The following CCDC18 variants were observed in gnomAD, a reference collection of about 807,000 sequenced individuals.
The protein encoded by CCDC18 is coiled-coil domain-containing protein 18.
A neutral mutation model predicts 196.0 loss-of-function variants in CCDC18; 157 were observed. The observed-to-expected ratio is 0.80, with a 90% CI of 0.70 to 0.91. The LOEUF is 0.91. Ranked by LOEUF, CCDC18 falls within the 40% of genes least tolerant of loss-of-function variation. The pLI is 0.00. For synonymous variants in CCDC18, 482 were observed against 529.2 expected, an observed-to-expected ratio of 0.91 and a Z score of 1.22; for missense variants, 1,465 against 1,611.6, an observed-to-expected ratio of 0.91 and a Z score of 1.56.
rs1200197704 is a variant in CCDC18 at position 93,181,272 on chromosome 1, CTACA to C, written c.-3+423_-3+426del. Among the ~76,000 whole-genome samples, 3 of 129,610 alleles carry C rather than the reference CTACA, an allele frequency of 2.3e-5. No homozygotes were observed. The East Asian group carries it at 7.8e-4, about 34-fold the overall frequency. 85.0% of individuals were successfully genotyped at this position (129,610 alleles called of 152,430 possible). ...CAAGCGATCTTGAGACAGGAGACTA[CTACA>C]TAAAGTTATGACTTCTTTCCAAAAT... On this transcript the variant is annotated intron_variant, in intron 1 of 28. Coordinates refer to ENST00000690025, the MANE Select transcript of CCDC18 (RefSeq NM_001378204.1).
rs1444742791 is a variant in CCDC18, at chr1:93,249,926, TTTTA to T, written c.3198+2976_3198+2979del. Among the ~76,000 whole-genome samples, 3 of 152,184 alleles carry T rather than the reference TTTTA, an allele frequency of 2.0e-5. No homozygotes were observed. In the South Asian group the frequency reaches 6.2e-4, roughly 32 times the overall value. On this transcript the variant is annotated intron_variant, in intron 23 of 28. Transcript: ENST00000690025. Reference sequence around the variant, plus strand: ...AGGTTTTGTTATGTTGTATATCCATTTTTATTTGTTTCAAGACATTAAAATTTTT... The same window carrying T: ...AGGTTTTGTTATGTTGTATATCCATTTTTGTTTCAAGACATTAAAATTTTT...
chr1:93,257,312 T>C (rs1460048027), intron 25 of CCDC18, among the ~76,000 whole-genome samples: 1 of 149,912 alleles, frequency 6.7e-6, no homozygotes, highest in Admixed American at 6.6e-5. Flanking sequence ...TTAGGAAACC[T>C]GTAGTTCAAA....
At chr1:93,201,708 TGA>T (rs1025678909) in intron 6 of CCDC18, among the ~76,000 whole-genome samples, 182 bp from the exon 7 acceptor site, 21 of 152,194 alleles carry the variant, frequency 1.4e-4, no homozygotes, top group African/African-American at 4.3e-4. Context: ...ATTGATAGAG[TGA>T]GAAAATTTTT....
intron 9 of CCDC18, 27 bp downstream of exon 9, chr1:93,207,425 AAAG>A (rs1448482559): frequency 6.7e-7 from 1 of 1,496,350 alleles, no homozygotes; most frequent in Non-Finnish European, 9.0e-7. Context: ...ACGTAATGGA[AAAG>A]AAGAATTTTA....
At chr1:93,278,407 G>A in intron 28 of CCDC18, 56 bp from the exon 29 acceptor site, 1 of 729,418 alleles carries the variant, frequency 1.4e-6, no homozygotes, top group Non-Finnish European at 2.1e-6. Flanking sequence ...GACTTTTAAT[G>A]CTAAATCAGT....
At chr1:93,192,946 A>C (rs1652077755) in intron 5 of CCDC18, among the ~76,000 whole-genome samples, 1 of 152,212 alleles carries the variant, frequency 6.6e-6, no homozygotes, top group African/African-American at 2.4e-5. Context: ...CAAGTTCTGC[A>C]AATGATGCTG....
chr1:93,243,177 A>C (rs958822800), intron 21 of CCDC18, among the ~76,000 whole-genome samples: 2 of 152,242 alleles, frequency 1.3e-5, no homozygotes, highest in Non-Finnish European at 2.9e-5. Context: ...CCTCAGCAGC[A>C]AACTTCTGCC....
intron 27 of CCDC18, among the ~76,000 whole-genome samples, chr1:93,268,004 A>T (rs1028010532): frequency 6.6e-6 from 1 of 152,206 alleles, no homozygotes; most frequent in Admixed American, 6.5e-5. Context: ...AAAAGAAAAA[A>T]GCTGGAGGCA....
intron 10 of CCDC18, among the ~76,000 whole-genome samples, chr1:93,211,296 CTTAA>C (rs1655611456): frequency 6.7e-6 from 1 of 149,382 alleles, no homozygotes; most frequent in Non-Finnish European, 1.5e-5. Context: ...AAAAAAGACC[CTTAA>C]TTGAGGAATT....
chr1:93,201,833 T>G (rs1236908689), intron 6 of CCDC18, 59 bp from the exon 7 acceptor site: 48 of 1,087,412 alleles, frequency 4.4e-5, no homozygotes, highest in Non-Finnish European at 6.1e-5. Flanking sequence ...CTTTGGAACT[T>G]AACTCTTCAA....
intron 9 of CCDC18, among the ~76,000 whole-genome samples, chr1:93,210,387 C>A (rs527912335): frequency 6.6e-6 from 1 of 152,108 alleles, no homozygotes; most frequent in South Asian, 2.1e-4. Context: ...TCTTTGTGTA[C>A]CTTGTCAGAT....
chr1:93,239,725 T>A lies in CCDC18; in HGVS notation c.2810T>A (p.Leu937Gln). 6.2e-7 allele frequency: 1 copy of A among 1,613,724 alleles called. No homozygotes were observed. The highest frequency in any genetic ancestry group is 1.3e-5 in the African/African-American group (1 of 75,026). ...EKLQHSTETE[L>Q]TEALQKREVL... The stretch of plus-strand genomic sequence containing the variant: ...TTACAGCACAGTACTGAAACTGAAC[T>A]AACAGAAGCCTTGCAAAAACGGGAA... Residue 937 changes from leucine (L) to glutamine (Q), a missense_variant, in exon 21 of 29, where the codon CTA becomes CAA. By Grantham distance (113) the Leu-to-Gln change is moderately radical. Coordinates refer to ENST00000690025, the MANE Select transcript of CCDC18 (RefSeq NM_001378204.1).
chr1:93,243,243 CTCAA>C (rs1256507506), intron 21 of CCDC18, among the ~76,000 whole-genome samples: 1 of 152,246 alleles, frequency 6.6e-6, no homozygotes, highest in African/African-American at 2.4e-5. Flanking sequence ...GTTCCCAAAC[CTCAA>C]TTCTTGACTT....
intron 10 of CCDC18, among the ~76,000 whole-genome samples, chr1:93,211,670 A>G (rs1040707608): frequency 1.3e-5 from 2 of 152,152 alleles, no homozygotes; most frequent in Non-Finnish European, 2.9e-5. Flanking sequence ...TAGATTAACA[A>G]ATGGATTTGT....
At chr1:93,205,949 T>C (rs1272671412) in intron 8 of CCDC18, among the ~76,000 whole-genome samples, 1 of 152,124 alleles carries the variant, frequency 6.6e-6, no homozygotes, top group Non-Finnish European at 1.5e-5. Context: ...TAATATCCGA[T>C]GTTCTAAAAA....
At position 93,186,442 on chromosome 1, in the gene CCDC18, A is replaced by G; in HGVS notation, c.401A>G (p.Asn134Ser). The G allele has an allele frequency of 1.2e-6, 2 of 1,611,452 alleles. No individual in the cohort carries two copies. The highest frequency in any genetic ancestry group is 1.7e-6 in the Non-Finnish European group (2 of 1,178,306). The change falls in exon 4 of 29, where the codon AAT (asparagine) becomes AGT (serine). Residue 134 changes from asparagine (N) to serine (S), a missense_variant. By Grantham distance (46) the Asn-to-Ser change is conservative. Transcript: ENST00000690025. ...RQQNACLVTQ[N>S]HSLMTKFESI... is the part of the protein sequence containing the mutation. ...CAGAATGCTTGTTTGGTCACACAGA[A>G]TCATTCCTTAATGACTAAATTTGAA...
chr1:93,244,373 C>T (rs1661218864), intron 21 of CCDC18, among the ~76,000 whole-genome samples: 1 of 152,158 alleles, frequency 6.6e-6, no homozygotes, highest in African/African-American at 2.4e-5. Flanking sequence ...TGTATCCATA[C>T]AAAGAATATT....
At chr1:93,223,230 T>G (rs950999745) in intron 16 of CCDC18, among the ~76,000 whole-genome samples, 22 of 152,188 alleles carry the variant, frequency 1.4e-4, no homozygotes, top group African/African-American at 5.3e-4. Context: ...TAGCCAGATA[T>G]GAGATGGAAA....
At chr1:93,231,355 C>T (rs777914650) in intron 17 of CCDC18, among the ~76,000 whole-genome samples, 2 of 152,038 alleles carry the variant, frequency 1.3e-5, no homozygotes, top group Non-Finnish European at 2.9e-5. Context: ...CTTCAGTTTT[C>T]ATTTTTCTGT....
Sources: gnomAD v4.1 joint callset for allele counts (sites outside exome capture counted in the v4.1 genomes callset) on GRCh38, gnomAD v4.1.1 for gene constraint, MANE v1.5 for transcripts, NCBI Gene and HGNC (gene_info 2026-07-23, HGNC 2026-07-21) for gene names.